LUZP1: variants seen among roughly 807,000 people sequenced by gnomAD.
LUZP1 encodes the protein filamin mechanobinding actin cross-linking protein.
A neutral mutation model predicts 71.3 loss-of-function variants in LUZP1; 25 were observed. The observed-to-expected ratio is 0.35, with a 90% CI of 0.26 to 0.49. The LOEUF (loss-of-function observed/expected upper bound fraction) is 0.49, where lower values mean the gene tolerates loss of function less well. Ranked by LOEUF, LUZP1 falls within the 20% of genes least tolerant of loss-of-function variation. The pLI, the probability that LUZP1 is intolerant of heterozygous loss-of-function variation, is 0.99. For synonymous variants in LUZP1, 481 were observed against 506.4 expected (o/e 0.95, Z 0.67); for missense variants, 1,142 against 1,300.8 (o/e 0.88, Z 1.88).
chr1:23,101,426 C>A (rs1335316804), intron 3 of LUZP1, among the ~76,000 whole-genome samples: 1 of 152,092 alleles, frequency 6.6e-6, no homozygotes, highest in Non-Finnish European at 1.5e-5. Context: ...GAATCTAGGT[C>A]CAATTCCAAA....
intron 2 of LUZP1, among the ~76,000 whole-genome samples, chr1:23,113,369 T>C (rs1644049821): frequency 6.6e-6 from 1 of 151,888 alleles, no homozygotes; most frequent in African/African-American, 2.4e-5. Context: ...TCCACACCAC[T>C]GCACTCCAGC....
chr1:23,123,243 C>T (rs568178422), intron 2 of LUZP1, among the ~76,000 whole-genome samples: 2 of 152,262 alleles, frequency 1.3e-5, no homozygotes, highest in Admixed American at 6.5e-5. Flanking sequence ...CCTGTAATCC[C>T]AGCACTTTGG....
chr1:23,138,538 T>C (rs904588448), intron 2 of LUZP1, among the ~76,000 whole-genome samples: 5 of 152,028 alleles, frequency 3.3e-5, no homozygotes, highest in Non-Finnish European at 7.4e-5. Flanking sequence ...TGGGTTTCTT[T>C]TGGGGGTGAT....
Position 23,093,042 on chromosome 1 carries a change from A to C in LUZP1, c.1220T>G (p.Phe407Cys), listed in dbSNP as rs1337970417. 3 of 1,614,052 alleles carry C rather than the reference A, an allele frequency of 1.9e-6. No homozygotes were observed. The highest frequency in any genetic ancestry group is 2.5e-6 in the Non-Finnish European group (3 of 1,179,988). The change falls in exon 4 of 5, where the codon TTT becomes TGT. Residue 407 changes from phenylalanine (F) to cysteine (C), a missense_variant. Coordinates refer to ENST00000302291, the Ensembl canonical transcript of LUZP1. This position sits in a 1 kb window ranked among gnomAD's most constrained non-coding sequence, Gnocchi z 4.2. The stretch of plus-strand genomic sequence containing the variant: ...AGAATAGTTTTCATTGTTGAGAGCA[A>C]ACTCCCTGTTCCGGAGTCGTTCCCG...
At chr1:23,116,528 T>A (rs1644080205) in intron 2 of LUZP1, among the ~76,000 whole-genome samples, 1 of 130,192 alleles carries the variant, frequency 7.7e-6, no homozygotes. Context: ...AATAAATGAA[T>A]GAAAGAAAGT....
chr1:23,100,827 T>G (rs1405490493), intron 3 of LUZP1, among the ~76,000 whole-genome samples: 3 of 152,236 alleles, frequency 2.0e-5, no homozygotes, highest in Non-Finnish European at 2.9e-5. Flanking sequence ...TAAAGAATTC[T>G]ACATAGCTTT....
exon 4 of LUZP1, chr1:23,091,622 T>C (rs771415477): frequency 6.2e-7 from 1 of 1,614,142 alleles, no homozygotes; most frequent in Admixed American, 1.7e-5. Context: ...ATGGCTTGAT[T>C]ATAATGCTGC....
At chr1:23,129,781 C>T (rs185066967) in intron 2 of LUZP1, among the ~76,000 whole-genome samples, 4 of 152,294 alleles carry the variant, frequency 2.6e-5, no homozygotes. Context: ...AGATTTTCCT[C>T]CCCAGTTCAT....
chr1:23,093,891 T>C lies in LUZP1; in HGVS notation c.371A>G (p.Glu124Gly), dbSNP rs1393063982. The C allele has an allele frequency of 6.2e-7, 1 of 1,614,034 alleles. No individual in the cohort carries two copies. The highest frequency in any genetic ancestry group is 8.5e-7 in the Non-Finnish European group (1 of 1,180,042). Residue 124 changes from glutamate to glycine, a missense_variant, in exon 4 of 5, where the codon GAA becomes GGA. Coordinates refer to ENST00000302291, the Ensembl canonical transcript of LUZP1. This position sits in a 1 kb window ranked among gnomAD's most constrained non-coding sequence, Gnocchi z 4.2. ...ATTCTTACTCCTGCTGAAGGCCTCT[T>C]CTAGCTTCTCTAATTCAGCCATTCG...
intron 4 of LUZP1, 46 bp from the exon 4 acceptor site, chr1:23,089,099 G>A: frequency 6.3e-7 from 1 of 1,590,320 alleles, no homozygotes; most frequent in Non-Finnish European, 8.6e-7. Flanking sequence ...TCAGTAAAGT[G>A]AGGACCGAGA....
chr1:23,153,685 TTG>T (rs1644400441), intron 2 of LUZP1, among the ~76,000 whole-genome samples: 1 of 152,218 alleles, frequency 6.6e-6, no homozygotes, highest in African/African-American at 2.4e-5. Flanking sequence ...TTGTTTTGTT[TTG>T]TTTTTAAGAC....
At chr1:23,117,121 AG>A (rs1644085462) in intron 2 of LUZP1, among the ~76,000 whole-genome samples, 1 of 152,144 alleles carries the variant, frequency 6.6e-6, no homozygotes, top group South Asian at 2.1e-4. Flanking sequence ...TATTGCTTCT[AG>A]GGAATTTCCC....
intron 2 of LUZP1, among the ~76,000 whole-genome samples, chr1:23,136,902 A>T (rs1373318787): frequency 6.6e-6 from 1 of 152,170 alleles, no homozygotes; most frequent in Non-Finnish European, 1.5e-5. Flanking sequence ...TGGGCGACAG[A>T]GCAAGACTCC....
At chr1:23,130,548 G>GTTT in intron 2 of LUZP1, among the ~76,000 whole-genome samples, 1 of 79,898 alleles carries the variant, frequency 1.3e-5, no homozygotes, top group East Asian at 4.1e-4. Context: ...TTTTTTTTTA[G>GTTT]AGATGGGGTC....
At chr1:23,113,604 G>A (rs147828942) in intron 2 of LUZP1, among the ~76,000 whole-genome samples, 2 of 152,092 alleles carry the variant, frequency 1.3e-5, no homozygotes, top group East Asian at 1.9e-4. Context: ...GCTCAAGGCC[G>A]GACACGGTGG....
chr1:23,119,742 G>A (rs888419108), intron 2 of LUZP1, among the ~76,000 whole-genome samples: 5 of 152,126 alleles, frequency 3.3e-5, no homozygotes, highest in African/African-American at 1.2e-4. Flanking sequence ...CACAGTAACA[G>A]TTCAGTAAAT....
chr1:23,102,527 G>A (rs1643939900), intron 3 of LUZP1, among the ~76,000 whole-genome samples: 2 of 152,194 alleles, frequency 1.3e-5, no homozygotes, highest in South Asian at 4.1e-4. Context: ...TAGTTTGAGA[G>A]TAAATATTTT....
At chr1:23,129,221 T>C (rs1368508247) in intron 2 of LUZP1, among the ~76,000 whole-genome samples, 4 of 152,220 alleles carry the variant, frequency 2.6e-5, no homozygotes, top group Non-Finnish European at 4.4e-5. Context: ...ATCATTAGAC[T>C]CACCATTCTC....
chr1:23,118,680 C>T (rs1020980599), intron 2 of LUZP1, among the ~76,000 whole-genome samples: 3 of 152,192 alleles, frequency 2.0e-5, no homozygotes, highest in Admixed American at 6.5e-5. Flanking sequence ...TTAAAAAGGC[C>T]TCAGTTCTAC....
Sources: gnomAD v4.1 joint callset for allele counts (sites outside exome capture counted in the v4.1 genomes callset) on GRCh38, gnomAD v4.1.1 for gene constraint, Gnocchi (gnomAD v3.1) non-coding constraint, MANE v1.5 for transcripts, NCBI Gene and HGNC (gene_info 2026-07-23, HGNC 2026-07-21) for gene names.